The following RNF32 variants were observed in gnomAD, a reference collection of about 807,000 sequenced individuals.
The protein encoded by RNF32 is ring finger protein 32.
In RNF32, 36 loss-of-function variants were observed where a neutral mutation model predicts 41.0. That is an observed-to-expected ratio of 0.88 (90% CI 0.67 to 1.16). RNF32 has a LOEUF of 1.16. Ranked by LOEUF, RNF32 falls within the 50% of genes most tolerant of loss-of-function variation. RNF32 has a pLI of 0.00. For missense variants in RNF32, 413 were observed against 436.7 expected, an observed-to-expected ratio of 0.95 and a Z score of 0.48; for synonymous variants, 154 against 160.9, an observed-to-expected ratio of 0.96 and a Z score of 0.32.
rs550647840 is a variant in RNF32 at position 156,669,623 on chromosome 7, G to A, written c.685-6073G>A. On this transcript the variant is annotated intron_variant, in intron 7 of 8. Transcript: ENST00000317955. The surrounding 1 kb of genome is among the most constrained non-coding windows in gnomAD (Gnocchi z 4.2). Reference sequence around the variant, plus strand: ...GCAGATAGGTCATTTTCAAGAGGGCGACCCACAGCCACGTGAACACTGGAA... The same window carrying A: ...GCAGATAGGTCATTTTCAAGAGGGCAACCCACAGCCACGTGAACACTGGAA... Among the ~76,000 whole-genome samples, 3 of 152,236 alleles carry A rather than the reference G, an allele frequency of 2.0e-5. No homozygotes were observed. Among genetic ancestry groups the A allele is most frequent in the African/African-American group, 7.2e-5 (3 of 41,560 alleles).
intron 4 of RNF32, among the ~76,000 whole-genome samples, chr7:156,656,937 G>T (rs893974741): frequency 6.6e-6 from 1 of 152,170 alleles, no homozygotes; most frequent in Non-Finnish European, 1.5e-5. Context: ...TTCTTCATTT[G>T]GTCTAAGCTT....
intron 7 of RNF32, among the ~76,000 whole-genome samples, chr7:156,672,018 G>A (rs1019862594): frequency 3.0e-4 from 45 of 152,068 alleles, no homozygotes; most frequent in Admixed American, 2.6e-3. Context: ...GAATATTTGC[G>A]TCTGCCATGC....
At chr7:156,675,159 G>A (rs140786756) in intron 7 of RNF32, among the ~76,000 whole-genome samples, 12 of 152,362 alleles carry the variant, frequency 7.9e-5, no homozygotes, top group Admixed American at 3.9e-4. Context: ...GCGGAGACCC[G>A]AAGAGACAGT....
intron 7 of RNF32, chr7:156,659,701 C>A: frequency 2.3e-6 from 2 of 863,676 alleles, no homozygotes; most frequent in South Asian, 5.3e-5. Flanking sequence ...TGTTGGTGGT[C>A]TCAGCCCATT....
At chr7:156,649,079 CTA>C (rs1461482527) in intron 3 of RNF32, among the ~76,000 whole-genome samples, 1 of 152,034 alleles carries the variant, frequency 6.6e-6, no homozygotes, top group Non-Finnish European at 1.5e-5. Context: ...GCTTCTGCTT[CTA>C]TGTCAGTATT....
In RNF32 at chr7:156,657,587, T is replaced by G. The variant is rs748123536; in HGVS notation, c.450+14T>G. On this transcript the variant is annotated intron_variant, in intron 5 of 8. Transcript: ENST00000317955. ...GTGTTCCACAAAGTAAGTCCACCCC[T>G]CACGCCTGCCCAGGTGCTGCACATG... is the stretch of plus-strand genomic sequence containing the variant. 2 of 1,613,584 alleles carry G rather than the reference T, an allele frequency of 1.2e-6. No individual in the cohort carries two copies. The highest frequency in any genetic ancestry group is 1.7e-6 in the Non-Finnish European group (2 of 1,179,482).
chr7:156,649,140 G>T (rs1234510210), intron 3 of RNF32, among the ~76,000 whole-genome samples: 6 of 151,688 alleles, frequency 4.0e-5, no homozygotes, highest in Admixed American at 3.9e-4. Flanking sequence ...ATAGCTGCTA[G>T]GAAAAGACGT....
chr7:156,659,627 T>G, intron 7 of RNF32: 2 of 924,128 alleles, frequency 2.2e-6, no homozygotes, highest in Non-Finnish European at 2.6e-6. Context: ...CTTATATATA[T>G]AAATATTTTT....
intron 3 of RNF32, among the ~76,000 whole-genome samples, chr7:156,649,615 C>G (rs763582046): frequency 6.6e-6 from 1 of 152,116 alleles, no homozygotes; most frequent in African/African-American, 2.4e-5. Context: ...GGTTTTTAAA[C>G]TCATTAATAG....
intron 7 of RNF32, among the ~76,000 whole-genome samples, chr7:156,663,921 ACT>A (rs1281997888): frequency 6.6e-6 from 1 of 152,206 alleles, no homozygotes; most frequent in Non-Finnish European, 1.5e-5. Context: ...CACGGATTAC[ACT>A]CTCAAATACA....
intron 7 of RNF32, among the ~76,000 whole-genome samples, chr7:156,671,322 C>G (rs1311365719): frequency 1.3e-5 from 2 of 152,084 alleles, no homozygotes; most frequent in Non-Finnish European, 2.9e-5. Flanking sequence ...CCTGAAAACG[C>G]GAACAGTGTG....
intron 7 of RNF32, among the ~76,000 whole-genome samples, chr7:156,665,471 A>G (rs1256870162): frequency 2.0e-5 from 3 of 152,252 alleles, no homozygotes; most frequent in Admixed American, 2.0e-4. Context: ...TCTGGGGAAC[A>G]ACAGTTTTTA....
chr7:156,658,461 G>T lies in RNF32; in HGVS notation c.576-1G>T, dbSNP rs200369717. The T allele has an allele frequency of 1.3e-4, 208 of 1,609,132 alleles. No homozygotes were observed. The highest frequency in any genetic ancestry group is 6.6e-5 in the Non-Finnish European group (78 of 1,175,702). On this transcript the variant is annotated splice_acceptor_variant, in intron 6 of 8. Transcript: ENST00000317955. LOFTEE classifies it high-confidence loss of function. Reference sequence around the variant, plus strand: ...GTCATTTTCAAATATCTGTGTTTTAGAATCCAAGCCTACTGGAGAGGATGT... The same window carrying T: ...GTCATTTTCAAATATCTGTGTTTTATAATCCAAGCCTACTGGAGAGGATGT...
chr7:156,660,671 A>G (rs959687506), intron 7 of RNF32, among the ~76,000 whole-genome samples: 18 of 152,158 alleles, frequency 1.2e-4, no homozygotes, highest in Admixed American at 1.0e-3. Context: ...CTTTTCCTCA[A>G]CCACAATAAG....
Position 156,649,408 on chromosome 7 carries a change from C to CT in RNF32, c.274+4660dup, listed in dbSNP as rs1010068170. On this transcript the variant is annotated intron_variant, in intron 3 of 8. Transcript: ENST00000317955. ...TTATGCCCCTTCTTTTTTTTCCCTG[C>CT]TTTTTTTTTAATCTGGCCAGGATCT... is the stretch of plus-strand genomic sequence containing the variant. Among the ~76,000 whole-genome samples the CT allele has an allele frequency of 3.3e-5, 5 of 150,628 alleles. No individual in the cohort carries two copies. In the South Asian group the frequency reaches 6.3e-4, roughly 19 times the overall value.
intron 1 of RNF32, chr7:156,643,090 A>T (rs1797572061): frequency 6.6e-6 from 1 of 152,246 alleles, no homozygotes; most frequent in Admixed American, 6.5e-5. Context: ...TAACAAGAGT[A>T]AGTTCTGTGT....
chr7:156,653,273 C>A (rs555448689), intron 3 of RNF32, among the ~76,000 whole-genome samples: 1 of 152,346 alleles, frequency 6.6e-6, no homozygotes, highest in South Asian at 2.1e-4. Flanking sequence ...AGTACAGTAA[C>A]ATGCTGTGCA....
At chr7:156,668,650 T>G (rs1329419709) in intron 7 of RNF32, among the ~76,000 whole-genome samples, 1 of 152,232 alleles carries the variant, frequency 6.6e-6, no homozygotes, top group African/African-American at 2.4e-5. Context: ...ACTCCGTGTC[T>G]CCCGGAGTCC....
intron 3 of RNF32, among the ~76,000 whole-genome samples, chr7:156,648,515 A>T (rs1265506603): frequency 6.6e-6 from 1 of 152,232 alleles, no homozygotes; most frequent in African/African-American, 2.4e-5. Flanking sequence ...GGAAAAATTT[A>T]AATTAGATAT....
Sources: gnomAD v4.1 joint callset for allele counts (sites outside exome capture counted in the v4.1 genomes callset) on GRCh38, gnomAD v4.1.1 for gene constraint, Gnocchi (gnomAD v3.1) non-coding constraint, MANE v1.5 for transcripts, NCBI Gene and HGNC (gene_info 2026-07-23, HGNC 2026-07-21) for gene names.